Variants in ZYG11B observed in about 807,000 individuals in gnomAD.
ZYG11B encodes the protein protein zyg-11 homolog B.
Under a neutral mutation model 82.4 loss-of-function variants are expected in ZYG11B, and 36 were observed. The ratio of observed to expected loss-of-function variants is 0.44; its 90% CI spans 0.33 to 0.58. The LOEUF (loss-of-function observed/expected upper bound fraction) is 0.58, where lower values mean the gene tolerates loss of function less well. Among genes scored for constraint, ZYG11B ranks in the 20% least tolerant of loss-of-function variants. ZYG11B has a pLI of 0.02. For missense variants in ZYG11B, 552 were observed against 895.6 expected, an observed-to-expected ratio of 0.62 and a Z score of 4.90; for synonymous variants, 303 against 312.8, an observed-to-expected ratio of 0.97 and a Z score of 0.33.
rs986157352 is a variant in ZYG11B, at chr1:52,801,959, A to G, written c.1626A>G (p.Glu542=). The G allele has an allele frequency of 1.2e-6, 2 of 1,607,512 alleles. No homozygotes were observed. Among genetic ancestry groups the G allele is most frequent in the African/African-American group, 1.3e-5 (1 of 74,564 alleles). ...CRHFIENQGL[E]LFMRVLESFP... ...ACTTTATTGAAAACCAAGGGTTAGAACTCTTCATGAGGGTTCTAGAGGTTA... is the reference window on the plus strand; with the variant it reads ...ACTTTATTGAAAACCAAGGGTTAGAGCTCTTCATGAGGGTTCTAGAGGTTA... Residue 542 remains glutamate, a synonymous_variant, in exon 9 of 14, where the codon GAA becomes GAG. Coordinates refer to ENST00000294353, the MANE Select transcript of ZYG11B (RefSeq NM_024646.3).
At chr1:52,751,720 GAA>G (rs1644525997) in intron 1 of ZYG11B, among the ~76,000 whole-genome samples, 2 of 152,110 alleles carry the variant, frequency 1.3e-5, no homozygotes, top group South Asian at 4.2e-4. Context: ...GCTCTGAAGT[GAA>G]AAGAGTTTTT....
intron 1 of ZYG11B, among the ~76,000 whole-genome samples, chr1:52,748,119 G>A (rs1644491812): frequency 6.6e-6 from 1 of 152,114 alleles, no homozygotes; most frequent in Non-Finnish European, 1.5e-5. Flanking sequence ...TGAAGTCTGG[G>A]TTTAGCAATA....
At chr1:52,738,234 A>C (rs1299499381) in intron 1 of ZYG11B, among the ~76,000 whole-genome samples, 1 of 152,104 alleles carries the variant, frequency 6.6e-6, no homozygotes, top group African/African-American at 2.4e-5. Context: ...TTTTGAGACA[A>C]GGTCTTCACT....
In ZYG11B at chr1:52,797,368, AT is replaced by A. The variant is rs1399987203; in HGVS notation, c.1485+585del. ...TTATATATTATATATAATACATATA[AT>A]ATATAATATATAATACATATATATC... On this transcript the variant is annotated intron_variant, in intron 8 of 13. Transcript: ENST00000294353. Among the ~76,000 whole-genome samples the A allele has an allele frequency of 8.9e-5, 7 of 78,996 alleles. No homozygotes were observed. The East Asian group carries it at 2.4e-3, about 27-fold the overall frequency. 51.8% of individuals were successfully genotyped at this position (78,996 alleles called of 152,430 possible).
At chr1:52,814,279 C>T (rs529705439) in intron 12 of ZYG11B, among the ~76,000 whole-genome samples, 2 of 152,190 alleles carry the variant, frequency 1.3e-5, no homozygotes, top group Non-Finnish European at 2.9e-5. Flanking sequence ...CCTGGGCCCC[C>T]CTAAGTGCTG....
Position 52,731,915 on chromosome 1 carries a change from G to A in ZYG11B, c.30+5232G>A, listed in dbSNP as rs143684200. On this transcript the variant is annotated intron_variant, in intron 1 of 13. Transcript: ENST00000294353. ...CCTCCCAGGCCCAAGCCATCCTCCCGCCTCATCCAACTCAAGCAGCTGGGA... is the reference window on the plus strand; with the variant it reads ...CCTCCCAGGCCCAAGCCATCCTCCCACCTCATCCAACTCAAGCAGCTGGGA... 6.8e-4 allele frequency among the ~76,000 whole-genome samples: 103 copies of A among 152,204 alleles called. No homozygotes were observed. In the East Asian group the frequency reaches 0.015, roughly 23 times the overall value.
chr1:52,754,037 T>A (rs1336975114), intron 1 of ZYG11B, among the ~76,000 whole-genome samples: 1 of 151,614 alleles, frequency 6.6e-6, no homozygotes, highest in Admixed American at 6.6e-5. Context: ...TTTGCCTTTT[T>A]TTTTTTGAGA....
intron 8 of ZYG11B, among the ~76,000 whole-genome samples, chr1:52,798,602 C>G (rs998007227): frequency 6.6e-6 from 1 of 152,130 alleles, no homozygotes; most frequent in African/African-American, 2.4e-5. Context: ...CAGAGCAAGA[C>G]CCTGTCTCCA....
Position 52,826,809 on chromosome 1 carries a change from A to G in ZYG11B, c.*5180A>G, listed in dbSNP as rs1645328845. ...TTGTGGGAAATCATCAATCTATTTT[A>G]TTAATGTTATGTGTTTAATTTTGGA... is the stretch of plus-strand genomic sequence containing the variant. On this transcript the variant is annotated 3_prime_UTR_variant, in exon 14 of 14. Transcript: ENST00000294353. The G allele has an allele frequency of 6.6e-6, 1 of 152,204 alleles. No homozygotes were observed. Among genetic ancestry groups the G allele is most frequent in the Admixed American group, 6.5e-5 (1 of 15,274 alleles). 9.4% of individuals were successfully genotyped at this position (152,204 alleles called of 1,614,324 possible).
intron 1 of ZYG11B, among the ~76,000 whole-genome samples, chr1:52,736,237 A>C (rs1025630070): frequency 2.0e-5 from 3 of 151,920 alleles, no homozygotes; most frequent in Admixed American, 2.0e-4. Flanking sequence ...TGTCTAGCAC[A>C]TAGTAGGGAC....
In ZYG11B at chr1:52,825,735, A is replaced by C. The variant is rs1164199941; in HGVS notation, c.*4106A>C. ...AGGCTGGTCTCGAACTCCTGGCCTCAAGTGACTTTCCCACCTCAGCTTCCC... is the reference window on the plus strand; with the variant it reads ...AGGCTGGTCTCGAACTCCTGGCCTCCAGTGACTTTCCCACCTCAGCTTCCC... On this transcript the variant is annotated 3_prime_UTR_variant, in exon 14 of 14. Transcript: ENST00000294353. 6.6e-6 allele frequency: 1 copy of C among 151,506 alleles called. No individual in the cohort carries two copies. Among genetic ancestry groups the C allele is most frequent in the Admixed American group, 6.6e-5 (1 of 15,198 alleles). 9.4% of individuals were successfully genotyped at this position (151,506 alleles called of 1,614,324 possible).
At chr1:52,795,123 TG>T (rs1298834205) in intron 6 of ZYG11B, among the ~76,000 whole-genome samples, 1 of 152,098 alleles carries the variant, frequency 6.6e-6, no homozygotes, top group Non-Finnish European at 1.5e-5. Context: ...GTGCTGGAGG[TG>T]GGGCCTGGTG....
In ZYG11B at chr1:52,802,160, G is replaced by A. The variant is rs199957842; in HGVS notation, c.1695+21G>A. ...TTTTGGTAAGATATAAGCACTTCCT[G>A]CTAAGTTCCAAGCTATATTTATTTT... On this transcript the variant is annotated intron_variant, in intron 10 of 13. Transcript: ENST00000294353. The A allele has an allele frequency of 5.1e-5, 82 of 1,601,094 alleles. 1 individual carries two copies. In the East Asian group the frequency reaches 1.8e-3, roughly 35 times the overall value.
rs751920808 is a variant in ZYG11B, at chr1:52,793,868, T to TTTCCTTCC, written c.1335-2397_1335-2390dup. Among the ~76,000 whole-genome samples the TTTCCTTCC allele has an allele frequency of 1.9e-3, 180 of 95,492 alleles. 2 individuals are homozygous for TTTCCTTCC. Among genetic ancestry groups the TTTCCTTCC allele is most frequent in the Middle Eastern group, 9.0e-3 (2 of 222 alleles). 62.6% of individuals were successfully genotyped at this position (95,492 alleles called of 152,430 possible). A position where few individuals can be genotyped will look rare whatever the true frequency, so the allele number is the denominator to read the frequency against. ...TTTCTTTCTTTCTTCCTTTTCTTTC[T>TTTCCTTCC]TTCCTTCCTTCCTTCCTTCCTTCCT... is the stretch of plus-strand genomic sequence containing the variant. On this transcript the variant is annotated intron_variant, in intron 6 of 13. Transcript: ENST00000294353.
intron 1 of ZYG11B, among the ~76,000 whole-genome samples, chr1:52,732,903 G>A (rs1397026242): frequency 2.0e-5 from 3 of 152,076 alleles, no homozygotes; most frequent in African/African-American, 7.2e-5. Context: ...GAACCCGGGG[G>A]GCGCGGAGGT....
chr1:52,809,168 G>A, intron 10 of ZYG11B, among the ~76,000 whole-genome samples: 1 of 151,056 alleles, frequency 6.6e-6, no homozygotes, highest in East Asian at 2.0e-4. Context: ...TTTAAATTGT[G>A]GTAAACAACG....
At chr1:52,793,958 C>G (rs532915067) in intron 6 of ZYG11B, among the ~76,000 whole-genome samples, 74 of 147,792 alleles carry the variant, frequency 5.0e-4, no homozygotes, top group African/African-American at 1.9e-3. Context: ...CCCTTCCTTT[C>G]CTTTCCTTTC....
rs375633745 is a variant in ZYG11B, at chr1:52,796,730, G to T, written c.1435-4G>T. On this transcript the variant is annotated splice_region_variant and splice_polypyrimidine_tract_variant and intron_variant, in intron 7 of 13. Transcript: ENST00000294353. ...CATTGAATTTGTTTTTTACTTGCTT[G>T]CAGCTTTCTACAGAACAAACTGCAC... 1.3e-6 allele frequency: 2 copies of T among 1,595,688 alleles called. No individual in the cohort carries two copies. The highest frequency in any genetic ancestry group is 1.8e-5 in the Admixed American group (1 of 56,144).
intron 1 of ZYG11B, among the ~76,000 whole-genome samples, chr1:52,740,486 T>C (rs1644414502): frequency 6.6e-6 from 1 of 152,006 alleles, no homozygotes; most frequent in Non-Finnish European, 1.5e-5. Flanking sequence ...CCATAGTTTA[T>C]ACCAAATAGT....
Sources: gnomAD v4.1 joint callset for allele counts (sites outside exome capture counted in the v4.1 genomes callset) on GRCh38, gnomAD v4.1.1 for gene constraint, MANE v1.5 for transcripts, NCBI Gene and HGNC (gene_info 2026-07-23, HGNC 2026-07-21) for gene names.